Variants in SUMF1 observed in about 807,000 individuals in gnomAD.
SUMF1 encodes sulfatase modifying factor 1.
Under a neutral mutation model 47.6 loss-of-function variants are expected in SUMF1, and 48 were observed. The ratio of observed to expected loss-of-function variants is 1.01; its 90% CI spans 0.80 to 1.28. The LOEUF is 1.28. Ranked by LOEUF, SUMF1 falls within the 50% of genes most tolerant of loss-of-function variation. The pLI is 0.00. For synonymous variants in SUMF1, 230 were observed against 192.1 expected (o/e 1.20, Z -1.63); for missense variants, 571 against 485.4 (o/e 1.18, Z -1.66).
At chr3:4,087,008 G>T (rs1692686219) in intron 8 of SUMF1, among the ~76,000 whole-genome samples, 1 of 152,068 alleles carries the variant, frequency 6.6e-6, no homozygotes, top group Admixed American at 6.6e-5. Flanking sequence ...CGTGAAAACA[G>T]ACTAATACAA....
intron 8 of SUMF1, among the ~76,000 whole-genome samples, chr3:4,090,205 T>C (rs934485779): frequency 3.9e-5 from 6 of 152,020 alleles, no homozygotes; most frequent in African/African-American, 1.4e-4. Context: ...CATTCAACAT[T>C]GTTTTGTTAT....
At chr3:4,401,603 G>A (rs1255279665) in intron 7 of SUMF1, among the ~76,000 whole-genome samples, 1 of 152,074 alleles carries the variant, frequency 6.6e-6, no homozygotes, top group Non-Finnish European at 1.5e-5. Flanking sequence ...AAGCCTACAA[G>A]GGTGACATGA....
intron 9 of SUMF1, among the ~76,000 whole-genome samples, chr3:4,043,119 T>C (rs1694940484): frequency 6.6e-6 from 1 of 152,040 alleles, no homozygotes; most frequent in Non-Finnish European, 1.5e-5. Context: ...AATGACTGGA[T>C]CCCTCTACAA....
downstream of SUMF1, among the ~76,000 whole-genome samples, chr3:4,360,035 T>G (rs552926815): frequency 6.6e-6 from 1 of 152,044 alleles, no homozygotes; most frequent in Non-Finnish European, 1.5e-5. Flanking sequence ...ACTTACGCAA[T>G]GTAACATTAA....
intron 8 of SUMF1, among the ~76,000 whole-genome samples, chr3:4,130,190 T>C (rs528505532): frequency 1.4e-4 from 21 of 152,262 alleles, no homozygotes; most frequent in Middle Eastern, 3.4e-3. Flanking sequence ...CAGTGGATTA[T>C]CATAAGCTTA....
chr3:4,382,052 AAAAC>A (rs1356180033), intron 7 of SUMF1, among the ~76,000 whole-genome samples: 3 of 152,132 alleles, frequency 2.0e-5, no homozygotes, highest in African/African-American at 7.2e-5. Flanking sequence ...CTGTCTCAGG[AAAAC>A]AAACAAACAA....
chr3:4,298,305 G>A (rs959421680), intron 8 of SUMF1, among the ~76,000 whole-genome samples: 3 of 152,128 alleles, frequency 2.0e-5, no homozygotes, highest in Non-Finnish European at 4.4e-5. Flanking sequence ...CCGAAAAGAT[G>A]AAAGACTGAC....
At chr3:4,046,603 T>A (rs976601658) in intron 9 of SUMF1, among the ~76,000 whole-genome samples, 37 of 152,050 alleles carry the variant, frequency 2.4e-4, no homozygotes, top group African/African-American at 7.2e-4. Context: ...CAACTACCCA[T>A]TCCCTTTACC....
intron 8 of SUMF1, among the ~76,000 whole-genome samples, chr3:4,176,168 A>C (rs888479236): frequency 1.3e-5 from 2 of 152,174 alleles, no homozygotes; most frequent in Non-Finnish European, 2.9e-5. Flanking sequence ...CCAACATTCA[A>C]ATTCAGGAAA....
chr3:4,138,935 T>C (rs924424910), intron 8 of SUMF1, among the ~76,000 whole-genome samples: 1 of 152,088 alleles, frequency 6.6e-6, no homozygotes, highest in Non-Finnish European at 1.5e-5. Context: ...GGATTTTTTA[T>C]ATATTATGAC....
At chr3:4,109,353 G>A (rs376520702) in intron 8 of SUMF1, among the ~76,000 whole-genome samples, 1 of 152,006 alleles carries the variant, frequency 6.6e-6, no homozygotes, top group Admixed American at 6.6e-5. Flanking sequence ...TGGCTGCCCT[G>A]AACATTTTTT....
Position 4,070,608 on chromosome 3 carries a change from T to C in SUMF1, c.1015-1863A>G, listed in dbSNP as rs115363260. On this transcript the variant is annotated intron_variant and NMD_transcript_variant, in intron 8 of 12. Coordinates refer to the SUMF1 transcript ENST00000448413. ...GAAAAGGGAAAGATAGGGCAACTCA[T>C]ATTTATTTTCCTTTCAGTCCTTTCT... is the stretch of plus-strand genomic sequence containing the variant. 1.4e-3 allele frequency among the ~76,000 whole-genome samples: 206 copies of C among 152,204 alleles called. 1 individual carries two copies. Among genetic ancestry groups the C allele is most frequent in the African/African-American group, 4.7e-3 (196 of 41,526 alleles).
At chr3:4,131,148 A>G (rs894618424) in intron 8 of SUMF1, among the ~76,000 whole-genome samples, 3 of 152,200 alleles carry the variant, frequency 2.0e-5, no homozygotes, top group Non-Finnish European at 4.4e-5. Flanking sequence ...TGAACTGCCT[A>G]TCATGAACTG....
Position 4,413,013 on chromosome 3 carries a change from A to AT in SUMF1, c.841-2036dup, listed in dbSNP as rs1344538219. Reference sequence around the variant, plus strand: ...GAGGTCCTATGTGTGCATCAATACTATTTTTTTTTTAGACAGGGTCTTGCT... The same window carrying AT: ...GAGGTCCTATGTGTGCATCAATACTATTTTTTTTTTTAGACAGGGTCTTGCT... On this transcript the variant is annotated intron_variant, in intron 6 of 8. Transcript: ENST00000272902. 8.7e-5 allele frequency among the ~76,000 whole-genome samples: 13 copies of AT among 148,624 alleles called. No homozygotes were observed. The South Asian group carries it at 2.2e-3, about 25-fold the overall frequency.
At chr3:4,397,805 T>C (rs1206995933) in intron 7 of SUMF1, among the ~76,000 whole-genome samples, 1 of 152,150 alleles carries the variant, frequency 6.6e-6, no homozygotes, top group East Asian at 1.9e-4. Context: ...ATGTCTTCCA[T>C]GGATTAGATT....
At chr3:4,061,738 G>C (rs1337582069) in intron 9 of SUMF1, among the ~76,000 whole-genome samples, 1 of 152,060 alleles carries the variant, frequency 6.6e-6, no homozygotes, top group African/African-American at 2.4e-5. Context: ...TGTCTTATTA[G>C]AACATGGGTT....
chr3:4,452,987 A>G lies in SUMF1; in HGVS notation c.333T>C (p.Asp111=), dbSNP rs760961343. 9 of 1,614,130 alleles carry G rather than the reference A, an allele frequency of 5.6e-6. No homozygotes were observed. In the East Asian group the frequency reaches 1.8e-4, roughly 32 times the overall value. The part of the protein sequence containing the change: ...MGTDDPQIKQ[D]GEAPARRVTI... ...TAACTCTCCTCGCAGGTGCTTCCCC[A>G]TCCTGCTTTATCTGAGGATCATCTG... is the stretch of plus-strand genomic sequence containing the variant. The change falls in exon 2 of 9, where the codon GAT becomes GAC. Residue 111 remains aspartate, a synonymous_variant. Coordinates refer to ENST00000272902, the MANE Select transcript of SUMF1 (RefSeq NM_182760.4).
chr3:4,452,107 T>C (rs1470173031), intron 2 of SUMF1, among the ~76,000 whole-genome samples: 1 of 151,374 alleles, frequency 6.6e-6, no homozygotes, highest in Non-Finnish European at 1.5e-5. Context: ...TTAATAATAA[T>C]TTACAAAAAG....
intron 8 of SUMF1, among the ~76,000 whole-genome samples, chr3:4,284,474 A>AGGAGGAGGCGGAGG (rs1559650524): frequency 8.4e-6 from 1 of 119,284 alleles, no homozygotes; most frequent in Non-Finnish European, 1.7e-5. Flanking sequence ...GGAGGAGGAG[A>AGGAGGAGGCGGAGG]AGGAGGAGGA....
Sources: allele counts gnomAD v4.1 joint callset (sites outside exome capture counted in the v4.1 genomes callset), GRCh38; gene constraint gnomAD v4.1.1; transcripts MANE v1.5; gene names NCBI Gene and HGNC (gene_info 2026-07-23, HGNC 2026-07-21).